Variants in PEX5L observed in about 807,000 individuals in gnomAD.
The protein encoded by PEX5L is PEX5-related protein.
Under a neutral mutation model 84.0 loss-of-function variants are expected in PEX5L, and 30 were observed. The ratio of observed to expected loss-of-function variants is 0.36; its 90% CI spans 0.27 to 0.48. The LOEUF (loss-of-function observed/expected upper bound fraction) is 0.48. PEX5L is among the 20% of genes least tolerant of loss of function. The pLI, the probability that PEX5L is intolerant of heterozygous loss-of-function variation, is 0.99. For missense variants in PEX5L, 533 were observed against 754.6 expected, an observed-to-expected ratio of 0.71 and a Z score of 3.44; for synonymous variants, 270 against 283.1, an observed-to-expected ratio of 0.95 and a Z score of 0.46.
At chr3:180,003,236 T>A (rs80158481) in intron 1 of PEX5L, among the ~76,000 whole-genome samples, 2,749 of 152,296 alleles carry the variant, frequency 0.018, 43 homozygotes, top group South Asian at 0.037. Context: ...GCTCATTCTA[T>A]CCTATCATGT....
At chr3:179,925,549 T>C (rs1332416890) in intron 2 of PEX5L, among the ~76,000 whole-genome samples, 2 of 152,244 alleles carry the variant, frequency 1.3e-5, no homozygotes, top group Admixed American at 6.5e-5. Flanking sequence ...TTTTGTTATA[T>C]CTGCATAATA....
At position 179,914,297 on chromosome 3, in the gene PEX5L, C is replaced by A. The variant is rs111424015; in HGVS notation, c.94-16051G>T. Among the ~76,000 whole-genome samples, 41 of 152,304 alleles carry A rather than the reference C, an allele frequency of 2.7e-4. 1 individual carries two copies. Among genetic ancestry groups the A allele is most frequent in the African/African-American group, 9.6e-4 (40 of 41,566 alleles). On this transcript the variant is annotated intron_variant, in intron 2 of 14. Transcript: ENST00000467460. Reference sequence around the variant, plus strand: ...TTCCAACACTTCCTCCCCGACAGCACTACACTAGCCAGCTATACTACACTA... The same window carrying A: ...TTCCAACACTTCCTCCCCGACAGCAATACACTAGCCAGCTATACTACACTA...
intron 8 of PEX5L, among the ~76,000 whole-genome samples, chr3:179,857,694 A>T (rs1007627708): frequency 1.3e-5 from 2 of 152,210 alleles, no homozygotes; most frequent in African/African-American, 4.8e-5. Context: ...CTTACCCAAG[A>T]TTCCATGGGT....
At position 179,856,629 on chromosome 3, in the gene PEX5L, T is replaced by C. The variant is rs1233137494; in HGVS notation, c.822+2433A>G. On this transcript the variant is annotated intron_variant, in intron 8 of 14. Coordinates refer to ENST00000467460, the MANE Select transcript of PEX5L (RefSeq NM_016559.3). Reference sequence around the variant, plus strand: ...TGTCTGGAAGTAAATATGTGTGAAGTTTTGGAGGCATGATTTACCATCAGC... The same window carrying C: ...TGTCTGGAAGTAAATATGTGTGAAGCTTTGGAGGCATGATTTACCATCAGC... 2.6e-5 allele frequency among the ~76,000 whole-genome samples: 4 copies of C among 152,146 alleles called. 1 individual carries two copies. The highest frequency in any genetic ancestry group is 5.9e-5 in the Non-Finnish European group (4 of 68,028).
chr3:180,003,264 T>C (rs1788588143), intron 1 of PEX5L, among the ~76,000 whole-genome samples: 1 of 152,148 alleles, frequency 6.6e-6, no homozygotes, highest in Admixed American at 6.5e-5. Context: ...GGAAAACATC[T>C]GGGATTTAAT....
At chr3:179,861,273 C>T (rs1275387856) in intron 7 of PEX5L, among the ~76,000 whole-genome samples, 1 of 152,156 alleles carries the variant, frequency 6.6e-6, no homozygotes, top group Non-Finnish European at 1.5e-5. Context: ...TTCCTTAGCC[C>T]CAGAAGGTGT....
At chr3:179,811,702 T>C (rs747114696) in intron 11 of PEX5L, 99 bp downstream of exon 11, 41 of 912,472 alleles carry the variant, frequency 4.5e-5, no homozygotes, top group Non-Finnish European at 6.8e-5. Flanking sequence ...ACAAATTCTT[T>C]ACACTGTACT....
At chr3:179,925,809 G>A (rs568651714) in intron 2 of PEX5L, among the ~76,000 whole-genome samples, 1 of 152,148 alleles carries the variant, frequency 6.6e-6, no homozygotes, top group Non-Finnish European at 1.5e-5. Context: ...CTAATATTCT[G>A]CCCAAATCTT....
intron 8 of PEX5L, among the ~76,000 whole-genome samples, chr3:179,822,841 C>T (rs1728995068): frequency 6.6e-6 from 1 of 152,208 alleles, no homozygotes; most frequent in Non-Finnish European, 1.5e-5. Flanking sequence ...AGTACATACT[C>T]ATAAAAACAT....
At chr3:179,997,210 A>T (rs1787965506) in intron 1 of PEX5L, among the ~76,000 whole-genome samples, 1 of 152,164 alleles carries the variant, frequency 6.6e-6, no homozygotes, top group Non-Finnish European at 1.5e-5. Context: ...AAGGGAAGTG[A>T]TCAGACATTT....
intron 1 of PEX5L, among the ~76,000 whole-genome samples, chr3:179,979,792 A>G (rs1202039433): frequency 6.6e-6 from 1 of 152,182 alleles, no homozygotes; most frequent in Non-Finnish European, 1.5e-5. Context: ...CCGTTGACAC[A>G]TTATTTTTTA....
chr3:179,940,008 A>T (rs949440417), intron 2 of PEX5L, among the ~76,000 whole-genome samples: 1 of 152,240 alleles, frequency 6.6e-6, no homozygotes, highest in African/African-American at 2.4e-5. Context: ...ATGCTGACAT[A>T]GGGGCTCCTC....
intron 2 of PEX5L, among the ~76,000 whole-genome samples, chr3:179,944,283 A>C (rs948851889): frequency 7.2e-5 from 11 of 152,216 alleles, no homozygotes; most frequent in African/African-American, 1.9e-4. Flanking sequence ...GTTTACACTC[A>C]ATCCAGCCTT....
At chr3:179,966,188 T>C (rs1783287563) in intron 2 of PEX5L, among the ~76,000 whole-genome samples, 2 of 152,210 alleles carry the variant, frequency 1.3e-5, no homozygotes, top group African/African-American at 4.8e-5. Context: ...AACTGCATAA[T>C]GTGCTGTGTC....
intron 2 of PEX5L, among the ~76,000 whole-genome samples, chr3:179,968,367 T>C (rs1052317458): frequency 2.0e-5 from 3 of 152,122 alleles, no homozygotes; most frequent in East Asian, 3.8e-4. Context: ...GAAATATCAG[T>C]AACTCCAGAA....
rs138953883 is a variant in PEX5L, at chr3:179,965,594, C to G, written c.93+6000G>C. Among the ~76,000 whole-genome samples, 347 of 152,218 alleles carry G rather than the reference C, an allele frequency of 2.3e-3. 1 individual carries two copies. In the Middle Eastern group the frequency reaches 0.034, roughly 15 times the overall value. On this transcript the variant is annotated intron_variant, in intron 2 of 14. Transcript: ENST00000467460. ...CTCTCTGTATTTTCTGGCTTTATAC[C>G]ACCAGACTTTAACAATCGGTCGTAA...
intron 2 of PEX5L, among the ~76,000 whole-genome samples, chr3:179,909,249 T>C (rs570394077): frequency 2.0e-5 from 3 of 152,206 alleles, no homozygotes; most frequent in South Asian, 4.1e-4. Context: ...TAGAGAACAC[T>C]GCAATGAACT....
At chr3:179,822,737 A>G (rs1728957369) in intron 8 of PEX5L, among the ~76,000 whole-genome samples, 1 of 152,202 alleles carries the variant, frequency 6.6e-6, no homozygotes, top group Non-Finnish European at 1.5e-5. Flanking sequence ...TGCTGTTTAT[A>G]CTCTGTGTAA....
At chr3:180,004,903 G>A (rs1390403578) in intron 1 of PEX5L, among the ~76,000 whole-genome samples, 1 of 152,046 alleles carries the variant, frequency 6.6e-6, no homozygotes, top group African/African-American at 2.4e-5. Context: ...GTTAAAAATT[G>A]AGCATCTCAT....
Sources: gnomAD v4.1 joint callset for allele counts (sites outside exome capture counted in the v4.1 genomes callset) on GRCh38, gnomAD v4.1.1 for gene constraint, MANE v1.5 for transcripts, NCBI Gene and HGNC (gene_info 2026-07-23, HGNC 2026-07-21) for gene names.